Variants in DEGS2 observed in about 807,000 individuals in gnomAD.
DEGS2 encodes the protein delta 4-desaturase, sphingolipid 2, also known as sphingolipid delta(4)-desaturase/C4-monooxygenase DES2.
Under a neutral mutation model 23.8 loss-of-function variants are expected in DEGS2, and 19 were observed. That is an observed-to-expected ratio of 0.80 (90% CI 0.56 to 1.17). DEGS2 has a LOEUF of 1.17. DEGS2 is among the 50% of genes most tolerant of loss of function. DEGS2 has a pLI of 0.00. For synonymous variants in DEGS2, 218 were observed against 213.7 expected, an observed-to-expected ratio of 1.02 and a Z score of -0.18; for missense variants, 390 against 459.5, an observed-to-expected ratio of 0.85 and a Z score of 1.38.
Position 100,149,013 on chromosome 14 carries a change from C to T in DEGS2, c.780G>A (p.Val260=). 6.2e-7 allele frequency: 1 copy of T among 1,612,852 alleles called. No individual in the cohort carries two copies. Among genetic ancestry groups the T allele is most frequent in the African/African-American group, 1.3e-5 (1 of 75,080 alleles). Residue 260 remains valine (V), a synonymous_variant, in exon 2 of 3, where the codon GTG becomes GTA. Transcript: ENST00000305631. ...GGATGCTGGGGAAGTCGTGGTGCTC[C>T]ACGTGGTAGCCCACATTGAAGGTGA... The part of the protein sequence containing the change: ...NWITFNVGYH[V]EHHDFPSIPG...
In DEGS2 at chr14:100,149,209, G is replaced by A. The variant is rs144513583; in HGVS notation, c.584C>T (p.Ala195Val). ...MEVLNTLVQLAADLAIFALWG... is the reference protein window; with the variant it reads ...MEVLNTLVQLVADLAIFALWG... ...AAGGGCAAAGATGGCCAGGTCGGCC[G>A]CCAGCTGCACCAGCGTGTTGAGCAC... Residue 195 changes from alanine to valine, a missense_variant, in exon 2 of 3, where the codon GCG becomes GTG. Coordinates refer to ENST00000305631, the MANE Select transcript of DEGS2 (RefSeq NM_206918.3). The A allele has an allele frequency of 4.3e-4, 688 of 1,612,422 alleles. 1 individual carries two copies. The African/African-American group carries it at 7.9e-3, about 19-fold the overall frequency.
upstream of DEGS2, among the ~76,000 whole-genome samples, chr14:100,163,497 G>C (rs770295669): frequency 1.3e-5 from 2 of 152,084 alleles, no homozygotes; most frequent in Non-Finnish European, 2.9e-5. Flanking sequence ...TTGAAACGGA[G>C]CCCGTGGAGG....
rs1372595618 is a variant in DEGS2 at position 100,144,638 on chromosome 14, G to A, written c.*2123C>T. The A allele has an allele frequency of 6.6e-6, 1 of 152,436 alleles. No homozygotes were observed. Among genetic ancestry groups the A allele is most frequent in the Non-Finnish European group, 1.5e-5 (1 of 68,188 alleles). 9.4% of individuals were successfully genotyped at this position (152,436 alleles called of 1,614,324 possible). ...TCCTCGGCCCCACAAAGTCTCCTGG[G>A]AGGACCACCTGGCCTGCAATGGGCT... On this transcript the variant is annotated 3_prime_UTR_variant, in exon 3 of 3. Coordinates refer to ENST00000305631, the MANE Select transcript of DEGS2 (RefSeq NM_206918.3).
rs1889530599 is a variant in DEGS2 at position 100,149,644 on chromosome 14, A to G, written c.149T>C (p.Leu50Pro). ...DPRLKWAVLV[L>P]VLVQMLACWL... ...GCAGGCCAGCATCTGCACCAGCACC[A>G]GCACCAGCACCGCCCACTTGAGGCG... Residue 50 changes from leucine to proline, a missense_variant, in exon 2 of 3, where the codon CTG becomes CCG. Coordinates refer to ENST00000305631, the MANE Select transcript of DEGS2 (RefSeq NM_206918.3). 1 of 1,611,880 alleles carries G rather than the reference A, an allele frequency of 6.2e-7. No individual in the cohort carries two copies. Among genetic ancestry groups the G allele is most frequent in the African/African-American group, 1.3e-5 (1 of 74,932 alleles).
chr14:100,151,977 A>G (rs935291641), intron 1 of DEGS2, among the ~76,000 whole-genome samples: 1 of 152,196 alleles, frequency 6.6e-6, no homozygotes. Context: ...GATGTGCAGG[A>G]GAGGGTCGTG....
chr14:100,147,504 C>T (rs1371635090), intron 2 of DEGS2, among the ~76,000 whole-genome samples: 1 of 152,090 alleles, frequency 6.6e-6, no homozygotes, highest in Non-Finnish European at 1.5e-5. Flanking sequence ...CACCTGCTGT[C>T]CCCTCCAGCC....
chr14:100,163,726 T>C (rs148835723), upstream of DEGS2, among the ~76,000 whole-genome samples: 621 of 152,288 alleles, frequency 4.1e-3, no homozygotes, highest in African/African-American at 0.014. Flanking sequence ...GTTTATTTTA[T>C]TATTACTTTT....
At chr14:100,160,363 T>C (rs1889732023), upstream of DEGS2, among the ~76,000 whole-genome samples, 1 of 152,194 alleles carries the variant, frequency 6.6e-6, no homozygotes, top group Non-Finnish European at 1.5e-5. Context: ...AAGGAACTTT[T>C]GCATTGGGCC....
intron 1 of DEGS2, among the ~76,000 whole-genome samples, chr14:100,156,897 G>A (rs1278869017): frequency 2.6e-5 from 4 of 152,226 alleles, no homozygotes; most frequent in Admixed American, 2.6e-4. Context: ...ACAACAGGTG[G>A]AAAGGAAGCC....
chr14:100,149,785 T>G, intron 1 of DEGS2, 75 bp from the exon 2 acceptor site: 2 of 1,448,320 alleles, frequency 1.4e-6, no homozygotes, highest in Non-Finnish European at 1.9e-6. Flanking sequence ...CCCACTGCAG[T>G]GGCCGAGGGG....
chr14:100,149,772 G>A (rs1338696939), intron 1 of DEGS2, 62 bp from the exon 2 acceptor site: 15 of 1,500,976 alleles, frequency 1.0e-5, no homozygotes, highest in Admixed American at 4.0e-5. Flanking sequence ...GCCCTCCTCC[G>A]CTCCCACTGC....
chr14:100,164,782 A>G, the DEGS2 span, among the ~76,000 whole-genome samples: 1 of 152,250 alleles, frequency 6.6e-6, no homozygotes, highest in Non-Finnish European at 1.5e-5. Context: ...ACTCTTCAGT[A>G]ATATCTATGA....
At position 100,159,598 on chromosome 14, in the gene DEGS2, G is replaced by C. The variant is rs1423904424; in HGVS notation, c.-11C>G. The C allele has an allele frequency of 6.7e-7, 1 of 1,486,146 alleles. No individual in the cohort carries two copies. The highest frequency in any genetic ancestry group is 8.9e-7 in the Non-Finnish European group (1 of 1,119,898). The allele number at this position is 1,486,146 out of a possible 1,614,324, so 92.1% of individuals were successfully genotyped here. A position where few individuals can be genotyped will look rare whatever the true frequency, so the allele number is the denominator to read the frequency against. ...CGCGCTGTTGCCCATGGTGGGGCGG[G>C]AGGCGCCGTTCGGAGCGCGGCCGGC... On this transcript the variant is annotated 5_prime_UTR_variant, in exon 1 of 3. Coordinates refer to ENST00000305631, the MANE Select transcript of DEGS2 (RefSeq NM_206918.3).
rs202237243 is a variant in DEGS2 at position 100,145,373 on chromosome 14, TC to T, written c.*1387del. On this transcript the variant is annotated 3_prime_UTR_variant, in exon 3 of 3. Transcript: ENST00000305631. ...TCCTGGTGCCGGGGCCAGCAGCACTTCCTTTGCAGAACAAGTCCTGGGCTCA... is the reference window on the plus strand; with the variant it reads ...TCCTGGTGCCGGGGCCAGCAGCACTTCTTTGCAGAACAAGTCCTGGGCTCA... 0.027 allele frequency: 4,087 copies of T among 152,342 alleles called. 81 individuals are homozygous for T. Among genetic ancestry groups the T allele is most frequent in the Non-Finnish European group, 0.04 (2,733 of 68,084 alleles). 9.4% of individuals were successfully genotyped at this position (152,342 alleles called of 1,614,324 possible).
intron 1 of DEGS2, among the ~76,000 whole-genome samples, chr14:100,159,168 C>T (rs962495924): frequency 1.3e-5 from 2 of 151,980 alleles, no homozygotes; most frequent in Non-Finnish European, 2.9e-5. Context: ...CGTAGCGCGT[C>T]CCGGGGCCGC....
chr14:100,161,350 G>A (rs945327622), upstream of DEGS2, among the ~76,000 whole-genome samples: 1 of 152,160 alleles, frequency 6.6e-6, no homozygotes, highest in South Asian at 2.1e-4. Context: ...CAGAGGACAT[G>A]CTGAAGAAGA....
At chr14:100,150,204 C>T (rs1311215866) in intron 1 of DEGS2, among the ~76,000 whole-genome samples, 3 of 152,170 alleles carry the variant, frequency 2.0e-5, no homozygotes, top group Non-Finnish European at 2.9e-5. Context: ...GGCTCTGGCC[C>T]AGGCGCAGGG....
In DEGS2 at chr14:100,150,211, A is replaced by G. The variant is rs1453430250; in HGVS notation, c.83-501T>C. Among the ~76,000 whole-genome samples, 3 of 152,272 alleles carry G rather than the reference A, an allele frequency of 2.0e-5. No individual in the cohort carries two copies. In the East Asian group the frequency reaches 5.8e-4, roughly 29 times the overall value. Reference sequence around the variant, plus strand: ...CTCAGGAAGGCTCTGGCCCAGGCGCAGGGCCAAGGAAGTCGCATGCAAAGT... The same window carrying G: ...CTCAGGAAGGCTCTGGCCCAGGCGCGGGGCCAAGGAAGTCGCATGCAAAGT... On this transcript the variant is annotated intron_variant, in intron 1 of 2. Transcript: ENST00000305631.
chr14:100,160,320 CAGGT>C (rs558206759), upstream of DEGS2, among the ~76,000 whole-genome samples: 2 of 152,254 alleles, frequency 1.3e-5, no homozygotes, highest in East Asian at 3.9e-4. Context: ...TGCCATGACA[CAGGT>C]AGGCCCTGAA....
Sources: allele counts gnomAD v4.1 joint callset (sites outside exome capture counted in the v4.1 genomes callset), GRCh38; gene constraint gnomAD v4.1.1; transcripts MANE v1.5; gene names NCBI Gene and HGNC (gene_info 2026-07-23, HGNC 2026-07-21).